The following IPO4 variants were observed in gnomAD, a reference collection of about 807,000 sequenced individuals.
The protein encoded by IPO4 is importin 4, also known as importin-4.
Under a neutral mutation model 133.5 loss-of-function variants are expected in IPO4, and 91 were observed. That is an observed-to-expected ratio of 0.68 (90% CI 0.58 to 0.81). The LOEUF (loss-of-function observed/expected upper bound fraction) is 0.81, where lower values mean the gene tolerates loss of function less well. IPO4 is among the 30% of genes least tolerant of loss of function. IPO4 has a pLI of 0.00. For synonymous variants in IPO4, 607 were observed against 581.6 expected, an observed-to-expected ratio of 1.04 and a Z score of -0.63; for missense variants, 1,279 against 1,386.2, an observed-to-expected ratio of 0.92 and a Z score of 1.23.
At chr14:24,186,089 C>A in intron 11 of IPO4, 40 bp downstream of exon 11, 1 of 1,612,098 alleles carries the variant, frequency 6.2e-7, no homozygotes, top group African/African-American at 1.3e-5. Context: ...ACTAGGCACA[C>A]TTGGAGGTAG....
Position 24,185,263 on chromosome 14 carries a change from T to C in IPO4, c.1328A>G (p.Tyr443Cys), listed in dbSNP as rs759759129. ...SREVMPLLLA[Y>C]LKSVPLGHTH... ...GTGTCCAAGAGGCACCGACTTCAAG[T>C]AGGCGAGGAGCAGTGGCATTACCTC... Residue 443 changes from tyrosine (Y) to cysteine (C), a missense_variant, in exon 14 of 30, where the codon TAC (tyrosine) becomes TGC (cysteine). Around this residue, in one of 3 missense-constraint regions of IPO4, gnomAD observed 695 missense variants for 704.1 expected, o/e 0.99. Coordinates refer to ENST00000354464, the MANE Select transcript of IPO4 (RefSeq NM_024658.4). 1 of 1,614,128 alleles carries C rather than the reference T, an allele frequency of 6.2e-7. No individual in the cohort carries two copies. Among genetic ancestry groups the C allele is most frequent in the South Asian group, 1.1e-5 (1 of 91,084 alleles).
chr14:24,182,042 G>A lies in IPO4; in HGVS notation c.2720C>T (p.Thr907Ile). 1 of 1,613,558 alleles carries A rather than the reference G, an allele frequency of 6.2e-7. No homozygotes were observed. The highest frequency in any genetic ancestry group is 8.5e-7 in the Non-Finnish European group (1 of 1,180,022). Residue 907 changes from threonine (T) to isoleucine (I), a missense_variant, in exon 26 of 30, where the codon ACC becomes ATC. Thr to Ile is a moderately conservative substitution (Grantham distance 89). Transcript: ENST00000354464. ...VSRLLPVLLS[T>I]AQEADPEVRS... ...CACCTCGGGGTCTGCCTCTTGGGCG[G>A]TGCTCAACAGCACAGGGAGCAGCCG...
At chr14:24,183,191 G>A in intron 22 of IPO4, 22 bp from the exon 23 acceptor site, 1 of 1,609,902 alleles carries the variant, frequency 6.2e-7, no homozygotes, top group African/African-American at 1.3e-5. Flanking sequence ...ATTGGCTGAA[G>A]CACCAGTCAG....
chr14:24,184,535 A>C (rs1271974785), intron 16 of IPO4, 115 bp downstream of exon 16: 1 of 1,435,676 alleles, frequency 7.0e-7, no homozygotes, highest in Non-Finnish European at 9.4e-7. Flanking sequence ...CATGAAGCAC[A>C]CCCCTTTGAT....
chr14:24,182,078 T>C lies in IPO4; in HGVS notation c.2684A>G (p.Gln895Arg). 1 of 1,613,980 alleles carries C rather than the reference T, an allele frequency of 6.2e-7. No homozygotes were observed. Among genetic ancestry groups the C allele is most frequent in the Non-Finnish European group, 8.5e-7 (1 of 1,180,032 alleles). Residue 895 changes from glutamine to arginine, a missense_variant, in exon 26 of 30, where the codon CAG becomes CGG. By Grantham distance (43) the Gln-to-Arg change is conservative. Coordinates refer to ENST00000354464, the MANE Select transcript of IPO4 (RefSeq NM_024658.4). Reference protein sequence around the residue: ...TIQGLGAASAQFVSRLLPVLL... With the variant: ...TIQGLGAASARFVSRLLPVLL... Reference sequence around the variant, plus strand: ...CACAGGGAGCAGCCGAGACACAAACTGGGCTGAGGCAGCACCCAGGCCCTG... The same window carrying C: ...CACAGGGAGCAGCCGAGACACAAACCGGGCTGAGGCAGCACCCAGGCCCTG...
rs993374080 is a variant in IPO4, at chr14:24,187,432, T to C, written c.556A>G (p.Thr186Ala). 7.4e-6 allele frequency: 12 copies of C among 1,613,960 alleles called. No individual in the cohort carries two copies. Among genetic ancestry groups the C allele is most frequent in the Non-Finnish European group, 1.0e-5 (12 of 1,179,984 alleles). The change falls in exon 6 of 30, where the codon ACC (threonine) becomes GCC (alanine). Residue 186 changes from threonine to alanine, a missense_variant. Physicochemically the swap from Thr to Ala is moderately conservative, Grantham distance 58 (BLOSUM62 0). Coordinates refer to ENST00000354464, the MANE Select transcript of IPO4 (RefSeq NM_024658.4). Reference sequence around the variant, plus strand: ...TCAGTGCTGAGGTAGGGAGCCATGGTGGTCAGAGTGCGCAGGGAGTAGAAG... The same window carrying C: ...TCAGTGCTGAGGTAGGGAGCCATGGCGGTCAGAGTGCGCAGGGAGTAGAAG... ...LLFYSLRTLT[T>A]MAPYLSTEDV...
intron 6 of IPO4, 124 bp downstream of exon 6, chr14:24,187,276 C>A (rs977979166): frequency 6.9e-7 from 1 of 1,458,912 alleles, no homozygotes; most frequent in African/African-American, 1.4e-5. Flanking sequence ...TACAGCATCC[C>A]CTCTCAATTG....
rs558919885 is a variant in IPO4 at position 24,184,786 on chromosome 14, CAG to C, written c.1523-25_1523-24del. On this transcript the variant is annotated intron_variant, in intron 15 of 29. Coordinates refer to ENST00000354464, the MANE Select transcript of IPO4 (RefSeq NM_024658.4). Reference sequence around the variant, plus strand: ...TAGCTGCAGGATGGAAGGACAGAATCAGAGCTGGAGAGGGCAGGGACCACCAG... The same window carrying C: ...TAGCTGCAGGATGGAAGGACAGAATCAGCTGGAGAGGGCAGGGACCACCAG... The C allele has an allele frequency of 6.2e-5, 99 of 1,608,078 alleles. No individual in the cohort carries two copies. In the African/African-American group the frequency reaches 1.2e-3, roughly 20 times the overall value.
chr14:24,181,410 G>T, intron 28 of IPO4, 103 bp downstream of exon 28: 3 of 847,428 alleles, frequency 3.5e-6, no homozygotes, highest in Admixed American at 2.1e-5. Context: ...CTTGCATCAG[G>T]TGCAACTGAC....
At chr14:24,183,971 G>A in intron 18 of IPO4, 27 bp downstream of exon 18, 1 of 1,592,906 alleles carries the variant, frequency 6.3e-7, no homozygotes, top group Non-Finnish European at 8.6e-7. Context: ...GGGCAGGCCT[G>A]GCCCAGCCCA....
chr14:24,185,986 G>T lies in IPO4; in HGVS notation c.1060-16C>A, dbSNP rs765367950. 1 of 1,609,062 alleles carries T rather than the reference G, an allele frequency of 6.2e-7. No individual in the cohort carries two copies. Among genetic ancestry groups the T allele is most frequent in the Non-Finnish European group, 8.5e-7 (1 of 1,175,498 alleles). ...ACATGGGCATCTAGGGAAGCATGTG[G>T]CACGCTTCTGAAACCCCAGCAAGAG... On this transcript the variant is annotated splice_polypyrimidine_tract_variant and intron_variant, in intron 11 of 29. Coordinates refer to ENST00000354464, the MANE Select transcript of IPO4 (RefSeq NM_024658.4).
chr14:24,182,968 C>G lies in IPO4; in HGVS notation c.2421+8G>C. ...CTCTCCTTCCCGAAGCCCACCTGCC[C>G]TGCTCACCTTCCTCTGCAGCACAGC... On this transcript the variant is annotated splice_region_variant and intron_variant, in intron 23 of 29. Coordinates refer to ENST00000354464, the MANE Select transcript of IPO4 (RefSeq NM_024658.4). 1 of 1,613,264 alleles carries G rather than the reference C, an allele frequency of 6.2e-7. No homozygotes were observed. The highest frequency in any genetic ancestry group is 8.5e-7 in the Non-Finnish European group (1 of 1,179,404).
rs577302495 is a variant in IPO4, at chr14:24,186,280, A to G, written c.1005+7T>C. The G allele has an allele frequency of 3.4e-5, 55 of 1,603,314 alleles. No homozygotes were observed. In the Middle Eastern group the frequency reaches 5.0e-4, roughly 15 times the overall value. On this transcript the variant is annotated splice_region_variant and intron_variant, in intron 10 of 29. Coordinates refer to ENST00000354464, the MANE Select transcript of IPO4 (RefSeq NM_024658.4). ...ACCTTCCCCCTCTGTCCTGCCCCAC[A>G]TCTCACTTGTACAGCGAAATGCTTG...
Position 24,184,753 on chromosome 14 carries a change from G to C in IPO4, c.1533C>G (p.Ala511=), listed in dbSNP as rs984180194. Reference sequence around the variant, plus strand: ...GGAAGTAGGGCAGCAGCGAGGCCTGGGCAGCCGTAGCTGCAGGATGGAAGG... The same window carrying C: ...GGAAGTAGGGCAGCAGCGAGGCCTGCGCAGCCGTAGCTGCAGGATGGAAGG... ...VSALGAIATA[A]QASLLPYFPA... is the part of the protein sequence containing the mutation. Residue 511 remains alanine (A), a synonymous_variant, in exon 16 of 30, where the codon GCC becomes GCG. Transcript: ENST00000354464. 2.5e-6 allele frequency: 4 copies of C among 1,612,342 alleles called. No individual in the cohort carries two copies. Among genetic ancestry groups the C allele is most frequent in the Admixed American group, 3.3e-5 (2 of 59,892 alleles).
chr14:24,185,036 A>C, intron 14 of IPO4, 56 bp from the exon 15 acceptor site: 1 of 1,590,720 alleles, frequency 6.3e-7, no homozygotes, highest in South Asian at 1.1e-5. Context: ...CTGCACGCCC[A>C]CCTCCCTCCA....
chr14:24,187,979 T>C (rs1304850909), intron 4 of IPO4, 183 bp from the exon 5 acceptor site: 7 of 792,626 alleles, frequency 8.8e-6, no homozygotes, highest in Non-Finnish European at 1.4e-5. Context: ...GCATGTAATC[T>C]GGTAAGTTCA....
Position 24,185,709 on chromosome 14 carries a change from T to G in IPO4, c.1170-142A>C. The G allele has an allele frequency of 1.1e-5, 10 of 916,184 alleles. No individual in the cohort carries two copies. The South Asian group carries it at 1.5e-4, about 13-fold the overall frequency. The allele number at this position is 916,184 out of a possible 1,614,324, so 56.8% of individuals were successfully genotyped here. On this transcript the variant is annotated intron_variant, in intron 12 of 29. Transcript: ENST00000354464. Reference sequence around the variant, plus strand: ...GGCAGCAGCCCCTGGTCCCTATAGCTGGTAAGCCATGTCATTTATCTTCCA... The same window carrying G: ...GGCAGCAGCCCCTGGTCCCTATAGCGGGTAAGCCATGTCATTTATCTTCCA...
rs1402057826 is a variant in IPO4 at position 24,184,712 on chromosome 14, T to C, written c.1574A>G (p.His525Arg). 6.2e-7 allele frequency: 1 copy of C among 1,613,054 alleles called. No individual in the cohort carries two copies. ...LLPYFPAIME[H>R]LREFLLTGRE... ...GCCTGTTAACAGGAATTCCCGCAGG[T>C]GCTCCATGATGGCAGGGAAGTAGGG... The change falls in exon 16 of 30, where the codon CAC (histidine) becomes CGC (arginine). Residue 525 changes from histidine to arginine, a missense_variant. Coordinates refer to ENST00000354464, the MANE Select transcript of IPO4 (RefSeq NM_024658.4).
intron 18 of IPO4, 38 bp from the exon 19 acceptor site, chr14:24,183,936 G>C (rs2039179827): frequency 6.2e-7 from 1 of 1,613,562 alleles, no homozygotes; most frequent in Admixed American, 1.7e-5. Flanking sequence ...GGCTCAGCTG[G>C]GCCCAGGAGA....
Sources: allele counts gnomAD v4.1 joint callset, GRCh38; gene constraint gnomAD v4.1.1; regional missense constraint gnomAD v4.1.1; transcripts MANE v1.5; gene names NCBI Gene and HGNC (gene_info 2026-07-23, HGNC 2026-07-21).